CARMIL2: variants seen among roughly 807,000 people sequenced by gnomAD.
The protein encoded by CARMIL2 is capping protein, Arp2/3 and myosin-I linker protein 2.
In CARMIL2, 96 loss-of-function variants were observed where a neutral mutation model predicts 173.3. That is an observed-to-expected ratio of 0.55 (90% CI 0.47 to 0.66). The LOEUF is 0.66. Ranked by LOEUF, CARMIL2 falls within the 30% of genes least tolerant of loss-of-function variation. The pLI, the probability that CARMIL2 is intolerant of heterozygous loss-of-function variation, is 0.00. For missense variants in CARMIL2, 1,771 were observed against 1,906.7 expected, an observed-to-expected ratio of 0.93 and a Z score of 1.33; for synonymous variants, 830 against 817.1, an observed-to-expected ratio of 1.02 and a Z score of -0.27.
chr16:67,656,153 G>T (rs754703517), intron 33 of CARMIL2, 75 bp from the exon 34 acceptor site: 2 of 1,610,114 alleles, frequency 1.2e-6, no homozygotes, highest in Non-Finnish European at 1.7e-6. Context: ...TCCTTGGGGA[G>T]GAAGGGGAGA....
At position 67,651,945 on chromosome 16, in the gene CARMIL2, G is replaced by T; in HGVS notation, c.2613G>T (p.Gly871=). 1 of 1,613,590 alleles carries T rather than the reference G, an allele frequency of 6.2e-7. No homozygotes were observed. The highest frequency in any genetic ancestry group is 1.3e-5 in the African/African-American group (1 of 75,062). ...GGGACATGCGGCTATCAATCACGGG[G>T]ACCTTGGCAGAGAGCATTGTGGCTC... The part of the protein sequence containing the change: ...RLRDMRLSIT[G]TLAESIVAQA... Residue 871 remains glycine (G), a synonymous_variant, in exon 26 of 38, where the codon GGG becomes GGT. Coordinates refer to ENST00000334583, the MANE Select transcript of CARMIL2 (RefSeq NM_001013838.3). The surrounding 1 kb of genome is among the most constrained non-coding windows in gnomAD (Gnocchi z 4.2).
Position 67,651,417 on chromosome 16 carries a change from A to G in CARMIL2, c.2330A>G (p.Tyr777Cys), listed in dbSNP as rs377508202. 9 of 1,590,940 alleles carry G rather than the reference A, an allele frequency of 5.7e-6. No individual in the cohort carries two copies. Among genetic ancestry groups the G allele is most frequent in the African/African-American group, 2.7e-5 (2 of 74,334 alleles). Residue 777 changes from tyrosine (Y) to cysteine (C), a missense_variant, in exon 24 of 38, where the codon TAT (tyrosine) becomes TGT (cysteine). Physicochemically the swap from Tyr to Cys is radical, Grantham distance 194 (BLOSUM62 -2). Coordinates refer to ENST00000334583, the MANE Select transcript of CARMIL2 (RefSeq NM_001013838.3). This position sits in a 1 kb window ranked among gnomAD's most constrained non-coding sequence, Gnocchi z 4.2. Reference protein sequence around the residue: ...NFSLSILPILYEAGSSPSHHW... With the variant: ...NFSLSILPILCEAGSSPSHHW... ...GGCCCTCAGATTCTCCCCATTCTATATGAAGCTGGAAGCTCCCCAAGCCAT... is the reference window on the plus strand; with the variant it reads ...GGCCCTCAGATTCTCCCCATTCTATGTGAAGCTGGAAGCTCCCCAAGCCAT...
At position 67,646,968 on chromosome 16, in the gene CARMIL2, C is replaced by A. The variant is rs1237135511; in HGVS notation, c.606C>A (p.Gly202=). The part of the protein sequence containing the change: ...HFSLGDFSHL[G]SRDLALSVAA... ...GCCTGGGAGACTTCAGCCACCTCGG[C>A]AGTCGGTGTGTGGCCTGCCAGGATG... is the stretch of plus-strand genomic sequence containing the variant. Residue 202 remains glycine, a synonymous_variant, in exon 8 of 38, where the codon GGC becomes GGA. Transcript: ENST00000334583. This position sits in a 1 kb window ranked among gnomAD's most constrained non-coding sequence, Gnocchi z 4.6. The A allele has an allele frequency of 7.4e-6, 12 of 1,613,114 alleles. No individual in the cohort carries two copies. The highest frequency in any genetic ancestry group is 9.3e-6 in the Non-Finnish European group (11 of 1,179,730).
chr16:67,646,676 C>G lies in CARMIL2; in HGVS notation c.467-38C>G. ...TTCCTCCATCGCTGATGTTTTGTCTCTCTCCTTTTCCACATCGCACCCCTA... is the reference window on the plus strand; with the variant it reads ...TTCCTCCATCGCTGATGTTTTGTCTGTCTCCTTTTCCACATCGCACCCCTA... On this transcript the variant is annotated intron_variant, in intron 6 of 37. Transcript: ENST00000334583. The surrounding 1 kb of genome is among the most constrained non-coding windows in gnomAD (Gnocchi z 4.6). The G allele has an allele frequency of 6.2e-7, 1 of 1,607,664 alleles. No homozygotes were observed. Among genetic ancestry groups the G allele is most frequent in the Non-Finnish European group, 8.5e-7 (1 of 1,174,238 alleles).
Position 67,657,120 on chromosome 16 carries a change from C to G in CARMIL2, c.4118-119C>G, listed in dbSNP as rs2052878210. On this transcript the variant is annotated intron_variant, in intron 36 of 37. Coordinates refer to ENST00000334583, the MANE Select transcript of CARMIL2 (RefSeq NM_001013838.3). The surrounding 1 kb of genome is among the most constrained non-coding windows in gnomAD (Gnocchi z 4.5). ...TGAGGACGCAGGGACGGGGGATGCT[C>G]TGAAGGCAGCAGTGTGTGTGAGTGC... 1.0e-6 allele frequency: 1 copy of G among 957,520 alleles called. No individual in the cohort carries two copies. Among genetic ancestry groups the G allele is most frequent in the African/African-American group, 1.6e-5 (1 of 61,670 alleles). 59.3% of individuals were successfully genotyped at this position (957,520 alleles called of 1,614,324 possible).
Position 67,646,471 on chromosome 16 carries a change from G to A in CARMIL2, c.420G>A (p.Leu140=), listed in dbSNP as rs745841945. The A allele has an allele frequency of 2.5e-6, 4 of 1,613,570 alleles. No individual in the cohort carries two copies. The highest frequency in any genetic ancestry group is 3.4e-6 in the Non-Finnish European group (4 of 1,179,868). ...CACCAGCCTCCATGCTGGCTCGGCT[G>A]GAGAGAAGCAGCCCCTCGGAGTCCA... ...RPTPASMLAR[L]ERSSPSESTD... is the part of the protein sequence containing the mutation. Residue 140 remains leucine, a synonymous_variant, in exon 6 of 38, where the codon CTG becomes CTA. Transcript: ENST00000334583. This position sits in a 1 kb window ranked among gnomAD's most constrained non-coding sequence, Gnocchi z 4.6.
In CARMIL2 at chr16:67,648,954, C is replaced by T. The variant is rs1446246446; in HGVS notation, c.1571C>T (p.Ser524Phe). ...DLVCDAGAVSSLDLADNGFGS... is the reference protein window; with the variant it reads ...DLVCDAGAVSFLDLADNGFGS... ...GTGTGCGACGCAGGCGCTGTGAGCTCCCTGGATCTGGCGGATAACGGTGAG... is the reference window on the plus strand; with the variant it reads ...GTGTGCGACGCAGGCGCTGTGAGCTTCCTGGATCTGGCGGATAACGGTGAG... The change falls in exon 17 of 38, where the codon TCC (serine) becomes TTC (phenylalanine). Residue 524 changes from serine to phenylalanine, a missense_variant. By Grantham distance (155) the Ser-to-Phe change is radical. Around this residue, in one of 3 missense-constraint regions of CARMIL2, gnomAD observed 944 missense variants for 975.6 expected, o/e 0.97. Coordinates refer to ENST00000334583, the MANE Select transcript of CARMIL2 (RefSeq NM_001013838.3). This position sits in a 1 kb window ranked among gnomAD's most constrained non-coding sequence, Gnocchi z 6.1. 3 of 1,609,874 alleles carry T rather than the reference C, an allele frequency of 1.9e-6. No homozygotes were observed. Among genetic ancestry groups the T allele is most frequent in the Non-Finnish European group, 2.5e-6 (3 of 1,178,326 alleles).
At position 67,657,233 on chromosome 16, in the gene CARMIL2, C is replaced by G. The variant is rs1262595915; in HGVS notation, c.4118-6C>G. On this transcript the variant is annotated splice_polypyrimidine_tract_variant and splice_region_variant and intron_variant, in intron 36 of 37. Transcript: ENST00000334583. This position sits in a 1 kb window ranked among gnomAD's most constrained non-coding sequence, Gnocchi z 4.5. ...AACCCACCCCAAGCCTTTCTGTGTC[C>G]CTTAGAACGGCCCCTGAGGCTGCAG... 5.6e-6 allele frequency: 9 copies of G among 1,613,286 alleles called. No homozygotes were observed. The highest frequency in any genetic ancestry group is 1.3e-5 in the African/African-American group (1 of 74,872).
intron 30 of CARMIL2, 39 bp downstream of exon 30, chr16:67,654,288 G>GGGGC: frequency 7.3e-7 from 1 of 1,363,500 alleles, no homozygotes; most frequent in Non-Finnish European, 1.0e-6. Flanking sequence ...GAGAGGGTGG[G>GGGGC]ATGCCTGATG....
Position 67,646,297 on chromosome 16 carries a change from C to T in CARMIL2, c.361C>T (p.Arg121Cys), listed in dbSNP as rs1428762094. The change falls in exon 5 of 38, where the codon CGC (arginine) becomes TGC (cysteine). Residue 121 changes from arginine to cysteine, a missense_variant. Transcript: ENST00000334583. This position sits in a 1 kb window ranked among gnomAD's most constrained non-coding sequence, Gnocchi z 4.6. ...TGCAGCCATCAAGAAGGTCTTCCCT[C>T]GCTCGACCCTTGGGTGAGGCCTGGC... ...VAAAIKKVFP[R>C]STLGKLFRRP... The T allele has an allele frequency of 3.1e-6, 5 of 1,613,568 alleles. No individual in the cohort carries two copies. The highest frequency in any genetic ancestry group is 4.2e-6 in the Non-Finnish European group (5 of 1,179,738).
Position 67,652,395 on chromosome 16 carries a change from G to A in CARMIL2, c.2817+56G>A. On this transcript the variant is annotated intron_variant, in intron 27 of 37. Coordinates refer to ENST00000334583, the MANE Select transcript of CARMIL2 (RefSeq NM_001013838.3). This position sits in a 1 kb window ranked among gnomAD's most constrained non-coding sequence, Gnocchi z 4.7. ...CTCCCAGTCTTCCCATCTTGCTGTGGAGTGTGGAAGGTGAAAGGCAGCTCT... is the reference window on the plus strand; with the variant it reads ...CTCCCAGTCTTCCCATCTTGCTGTGAAGTGTGGAAGGTGAAAGGCAGCTCT... The A allele has an allele frequency of 6.2e-7, 1 of 1,612,010 alleles. No individual in the cohort carries two copies. The highest frequency in any genetic ancestry group is 1.3e-5 in the African/African-American group (1 of 75,030).
At chr16:67,647,791 A>AGGGGGGGGG in intron 12 of CARMIL2, 25 bp downstream of exon 12, 1 of 151,586 alleles carries the variant, frequency 6.6e-6, no homozygotes, top group Non-Finnish European at 1.1e-5. Context: ...GGAGGGGGTG[A>AGGGGGGGGG]GGGGAGGGGG....
In CARMIL2 at chr16:67,654,423, A is replaced by C. The variant is rs1258156024; in HGVS notation, c.3313A>C (p.Lys1105Gln). The C allele has an allele frequency of 3.7e-6, 6 of 1,611,928 alleles. No individual in the cohort carries two copies. Among genetic ancestry groups the C allele is most frequent in the Non-Finnish European group, 5.1e-6 (6 of 1,179,272 alleles). The change falls in exon 31 of 38, where the codon AAG becomes CAG. Residue 1105 changes from lysine to glutamine, a missense_variant. Physicochemically the swap from Lys to Gln is moderately conservative, Grantham distance 53. This residue lies in a region of CARMIL2 where 817 missense variants were observed against 903.5 expected (regional missense o/e 0.90). Transcript: ENST00000334583. ...GAAGCTGGGCACCCTCTTTGCCTTC[A>C]AGAAGCCTCGTTCAACGCGGGGTCC... is the stretch of plus-strand genomic sequence containing the variant. ...RKKLGTLFAFKKPRSTRGPRT... is the reference protein window; with the variant it reads ...RKKLGTLFAFQKPRSTRGPRT...
chr16:67,650,201 G>A, intron 22 of CARMIL2, 51 bp downstream of exon 22: 1 of 1,470,052 alleles, frequency 6.8e-7, no homozygotes. Context: ...GAGACCTGTG[G>A]CATCCGGGAG....
At position 67,646,144 on chromosome 16, in the gene CARMIL2, G is replaced by A. The variant is rs1198773359; in HGVS notation, c.250-42G>A. 2.9e-5 allele frequency: 46 copies of A among 1,613,572 alleles called. No individual in the cohort carries two copies. Among genetic ancestry groups the A allele is most frequent in the African/African-American group, 5.3e-5 (4 of 74,908 alleles). ...TCTTCATGCTACCACCATCACCTGC[G>A]CCCATGTGTGGAGCCGAGGCCTAGT... is the stretch of plus-strand genomic sequence containing the variant. On this transcript the variant is annotated intron_variant, in intron 4 of 37. Transcript: ENST00000334583. The surrounding 1 kb of genome is among the most constrained non-coding windows in gnomAD (Gnocchi z 4.6).
chr16:67,653,452 G>A lies in CARMIL2; in HGVS notation c.3120+198G>A, dbSNP rs577100261. Among the ~76,000 whole-genome samples, 283 of 152,158 alleles carry A rather than the reference G, an allele frequency of 1.9e-3. 3 individuals are homozygous for A. Among genetic ancestry groups the A allele is most frequent in the Non-Finnish European group, 3.6e-3 (242 of 67,960 alleles). ...CATGCCTGTGCGGGACCATGGGTGT[G>A]CGGGTTCCGTTCGGGGTGTGCCTGG... On this transcript the variant is annotated intron_variant, in intron 29 of 37. Coordinates refer to ENST00000334583, the MANE Select transcript of CARMIL2 (RefSeq NM_001013838.3). The surrounding 1 kb of genome is among the most constrained non-coding windows in gnomAD (Gnocchi z 7.4).
chr16:67,654,407 C>T lies in CARMIL2; in HGVS notation c.3297C>T (p.Gly1099=), dbSNP rs2142947399. The T allele has an allele frequency of 6.2e-7, 1 of 1,610,582 alleles. No homozygotes were observed. The highest frequency in any genetic ancestry group is 8.5e-7 in the Non-Finnish European group (1 of 1,178,746). The change falls in exon 31 of 38, where the codon GGC becomes GGT. Residue 1099 remains glycine, a synonymous_variant. Coordinates refer to ENST00000334583, the MANE Select transcript of CARMIL2 (RefSeq NM_001013838.3). Reference sequence around the variant, plus strand: ...CCCGTACACTGCGAAAGAAGCTGGGCACCCTCTTTGCCTTCAAGAAGCCTC... The same window carrying T: ...CCCGTACACTGCGAAAGAAGCTGGGTACCCTCTTTGCCTTCAAGAAGCCTC... The part of the protein sequence containing the change: ...PVPRTLRKKL[G]TLFAFKKPRS...
At chr16:67,655,546 G>T (rs996276874) in intron 32 of CARMIL2, among the ~76,000 whole-genome samples, 7 of 152,222 alleles carry the variant, frequency 4.6e-5, no homozygotes, top group African/African-American at 7.2e-5. Context: ...GAGCCCTGTG[G>T]GGTCTTGGCC....
In CARMIL2 at chr16:67,651,148, G is replaced by A. The variant is rs2052713877; in HGVS notation, c.2185-39G>A. The A allele has an allele frequency of 1.3e-6, 2 of 1,594,600 alleles. No homozygotes were observed. The highest frequency in any genetic ancestry group is 8.6e-7 in the Non-Finnish European group (1 of 1,168,620). On this transcript the variant is annotated intron_variant, in intron 22 of 37. Coordinates refer to ENST00000334583, the MANE Select transcript of CARMIL2 (RefSeq NM_001013838.3). The surrounding 1 kb of genome is among the most constrained non-coding windows in gnomAD (Gnocchi z 4.2). ...AGGCAGGCAGGATCTGGGAGACTGG[G>A]AGGGGGCTAGGCTGAGACTGATCCC...
Sources: allele counts gnomAD v4.1 joint callset (sites outside exome capture counted in the v4.1 genomes callset), GRCh38; gene constraint gnomAD v4.1.1; regional missense constraint gnomAD v4.1.1; non-coding constraint Gnocchi (gnomAD v3.1); transcripts MANE v1.5; gene names NCBI Gene and HGNC (gene_info 2026-07-23, HGNC 2026-07-21).